ZSCAN25: variants seen among roughly 807,000 people sequenced by gnomAD.
ZSCAN25 encodes zinc finger and SCAN domain containing 25, also known as zinc finger and SCAN domain-containing protein 25.
In ZSCAN25, 27 loss-of-function variants were observed where a neutral mutation model predicts 38.7. That is an observed-to-expected ratio of 0.70 (90% CI 0.51 to 0.96). The LOEUF (loss-of-function observed/expected upper bound fraction) is 0.96, where lower values mean the gene tolerates loss of function less well. Ranked by LOEUF, ZSCAN25 falls within the 40% of genes least tolerant of loss-of-function variation. The pLI, the probability that ZSCAN25 is intolerant of heterozygous loss-of-function variation, is 0.00. For synonymous variants in ZSCAN25, 273 were observed against 277.7 expected (o/e 0.98, Z 0.17); for missense variants, 637 against 705.9 (o/e 0.90, Z 1.11).
At chr7:99,633,870 T>C (rs907454844), downstream of ZSCAN25, among the ~76,000 whole-genome samples, 6 of 152,226 alleles carry the variant, frequency 3.9e-5, no homozygotes, top group Non-Finnish European at 7.3e-5. Flanking sequence ...CTAATTCTCA[T>C]TGACAGCTTC....
chr7:99,635,818 C>T (rs575133950), downstream of ZSCAN25, among the ~76,000 whole-genome samples: 44 of 152,158 alleles, frequency 2.9e-4, no homozygotes, highest in East Asian at 5.8e-4. Flanking sequence ...GAGGCTGAGG[C>T]GGGCGGATCA....
chr7:99,671,855 G>C, the ZSCAN25 span: 1 of 702,996 alleles, frequency 1.4e-6, no homozygotes, highest in East Asian at 2.7e-5. Context: ...TCTGCATCTT[G>C]ATGGTGCTGG....
At chr7:99,687,844 A>G in the ZSCAN25 span, among the ~76,000 whole-genome samples, 1 of 152,248 alleles carries the variant, frequency 6.6e-6, no homozygotes, top group Non-Finnish European at 1.5e-5. Flanking sequence ...TCTACAAGGC[A>G]GAAGAGAGTG....
chr7:99,683,089 A>G, the ZSCAN25 span, among the ~76,000 whole-genome samples: 2 of 152,300 alleles, frequency 1.3e-5, no homozygotes, highest in South Asian at 2.1e-4. Context: ...TTCAAATATC[A>G]TTTCCAAACA....
At chr7:99,679,337 G>C in the ZSCAN25 span, among the ~76,000 whole-genome samples, 5 of 152,064 alleles carry the variant, frequency 3.3e-5, no homozygotes, top group Non-Finnish European at 7.4e-5. Flanking sequence ...GTTGGAAGGC[G>C]GGGGAGCAGG....
At chr7:99,651,260 A>G in the ZSCAN25 span, among the ~76,000 whole-genome samples, 2,606 of 152,296 alleles carry the variant, frequency 0.017, 66 homozygotes, top group African/African-American at 0.058. Flanking sequence ...TCTAATATAT[A>G]TATACACACA....
chr7:99,688,924 A>G, the ZSCAN25 span, among the ~76,000 whole-genome samples: 29 of 152,366 alleles, frequency 1.9e-4, no homozygotes, highest in African/African-American at 6.7e-4. Context: ...ACCACTGGCT[A>G]CATAACAAAA....
At chr7:99,638,059 G>A in the ZSCAN25 span, among the ~76,000 whole-genome samples, 1 of 152,072 alleles carries the variant, frequency 6.6e-6, no homozygotes, top group African/African-American at 2.4e-5. Context: ...ACGCAAAGCC[G>A]AAAAAGGAAA....
the ZSCAN25 span, chr7:99,714,684 T>C: frequency 6.2e-7 from 1 of 1,611,292 alleles, no homozygotes; most frequent in Non-Finnish European, 8.5e-7. Context: ...GAAAGACTTC[T>C]GTAGAAAAAA....
the ZSCAN25 span, chr7:99,720,307 G>A: frequency 6.2e-7 from 1 of 1,612,186 alleles, no homozygotes; most frequent in Non-Finnish European, 8.5e-7. Context: ...AAAAATGGAT[G>A]CTTACCCTCC....
At chr7:99,663,134 ATCT>A in the ZSCAN25 span, 3 of 1,212,616 alleles carry the variant, frequency 2.5e-6, no homozygotes, top group Non-Finnish European at 3.1e-6. Flanking sequence ...CCTGTTTCTC[ATCT>A]TCTCTGTCTT....
chr7:99,655,586 T>G, the ZSCAN25 span, among the ~76,000 whole-genome samples: 1 of 152,236 alleles, frequency 6.6e-6, no homozygotes, highest in African/African-American at 2.4e-5. Flanking sequence ...CCATATGAAC[T>G]TTAAAGTAGT....
chr7:99,715,967 C>T, the ZSCAN25 span: 77 of 1,611,266 alleles, frequency 4.8e-5, no homozygotes, highest in Non-Finnish European at 6.2e-5. Context: ...TTCCTCTATG[C>T]GTGCAGCAGG....
chr7:99,658,259 T>C, the ZSCAN25 span, among the ~76,000 whole-genome samples: 1 of 152,218 alleles, frequency 6.6e-6, no homozygotes, highest in Non-Finnish European at 1.5e-5. Flanking sequence ...CTTCAAGAGC[T>C]CTTTTAGGGC....
the ZSCAN25 span, among the ~76,000 whole-genome samples, chr7:99,673,339 T>C: frequency 2.0e-5 from 3 of 152,220 alleles, no homozygotes; most frequent in African/African-American, 7.2e-5. Context: ...CCTCATCCAC[T>C]GCTCTCACCA....
chr7:99,705,615 A>T, the ZSCAN25 span: 3 of 1,612,048 alleles, frequency 1.9e-6, no homozygotes, highest in Non-Finnish European at 2.5e-6. Flanking sequence ...TTAAACGAGC[A>T]TATTGAGAAG....
At chr7:99,621,705 T>C in intron 5 of ZSCAN25, 131 bp downstream of exon 5, 1 of 666,240 alleles carries the variant, frequency 1.5e-6, no homozygotes, top group South Asian at 7.4e-5. Context: ...TCTTGGCTAC[T>C]TCCTCCACCT....
the ZSCAN25 span, chr7:99,704,983 C>T: frequency 4.5e-5 from 7 of 155,232 alleles, no homozygotes; most frequent in African/African-American, 1.7e-4. Context: ...GTTGTTGGTT[C>T]TCAGTCATTC....
chr7:99,713,818 C>A, the ZSCAN25 span, among the ~76,000 whole-genome samples: 1 of 152,184 alleles, frequency 6.6e-6, no homozygotes, highest in East Asian at 1.9e-4. Context: ...TTTTATTCTT[C>A]TGTCTTCTTC....
Sources: allele counts gnomAD v4.1 joint callset (sites outside exome capture counted in the v4.1 genomes callset), GRCh38; gene constraint gnomAD v4.1.1; transcripts MANE v1.5; gene names NCBI Gene and HGNC (gene_info 2026-07-23, HGNC 2026-07-21).